TMEM51: variants seen among roughly 807,000 people sequenced by gnomAD.
The protein encoded by TMEM51 is transmembrane protein 51, also known as chromosome 1 open reading frame 72.
Under a neutral mutation model 13.6 loss-of-function variants are expected in TMEM51, and 8 were observed. That is an observed-to-expected ratio of 0.59 (90% CI 0.35 to 1.07). The LOEUF is 1.07. Ranked by LOEUF, TMEM51 falls within the 50% of genes least tolerant of loss-of-function variation. TMEM51 has a pLI of 0.02. For synonymous variants in TMEM51, 147 were observed against 144.4 expected (o/e 1.02, Z -0.13); for missense variants, 279 against 330.7 (o/e 0.84, Z 1.21).
In TMEM51 at chr1:15,214,042, G is replaced by A. The variant is rs182432493; in HGVS notation, c.-193-853G>A. On this transcript the variant is annotated intron_variant, in intron 2 of 3. Transcript: ENST00000376008. ...TTTTTTTTGTATTTTTAGTAGAGACGGGGTTTTACCATGTTGGCCAGGATG... is the reference window on the plus strand; with the variant it reads ...TTTTTTTTGTATTTTTAGTAGAGACAGGGTTTTACCATGTTGGCCAGGATG... Among the ~76,000 whole-genome samples, 100 of 143,524 alleles carry A rather than the reference G, an allele frequency of 7.0e-4. 1 individual carries two copies. The highest frequency in any genetic ancestry group is 4.4e-4 in the South Asian group (2 of 4,528). 94.2% of individuals were successfully genotyped at this position (143,524 alleles called of 152,430 possible).
In TMEM51 at chr1:15,214,789, T is replaced by A. The variant is rs915925534; in HGVS notation, c.-193-106T>A. The A allele has an allele frequency of 8.4e-6, 3 of 358,246 alleles. No individual in the cohort carries two copies. The East Asian group carries it at 1.6e-4, about 19-fold the overall frequency. The allele number at this position is 358,246 out of a possible 1,614,324, so 22.2% of individuals were successfully genotyped here. ...AGGCGAGGCCCAGCCAGAGCCGGCGTGCTCGGTGCTGCTGCCTAACTCCTT... is the reference window on the plus strand; with the variant it reads ...AGGCGAGGCCCAGCCAGAGCCGGCGAGCTCGGTGCTGCTGCCTAACTCCTT... On this transcript the variant is annotated intron_variant, in intron 2 of 3. Coordinates refer to ENST00000376008, the MANE Select transcript of TMEM51 (RefSeq NM_001136218.2).
At chr1:15,152,978 C>A (rs1160112991), upstream of TMEM51, among the ~76,000 whole-genome samples, 1 of 152,230 alleles carries the variant, frequency 6.6e-6, no homozygotes, top group Admixed American at 6.5e-5. Context: ...GGCAGGCTCC[C>A]GGTGCAGCGC....
intron 1 of TMEM51, 109 bp from the exon 2 acceptor site, chr1:15,210,380 GC>G (rs1192995510): frequency 6.6e-6 from 1 of 151,926 alleles, no homozygotes; most frequent in Non-Finnish European, 1.5e-5. Flanking sequence ...CCTAACCCTT[GC>G]CCTTTTCCCC....
chr1:15,218,590 C>G (rs1004080252), intron 3 of TMEM51, among the ~76,000 whole-genome samples: 1 of 152,128 alleles, frequency 6.6e-6, no homozygotes, highest in African/African-American at 2.4e-5. Context: ...GTTTTCTGAT[C>G]ATAACCCTGC....
At chr1:15,171,824 C>A (rs1643286964) in intron 1 of TMEM51, among the ~76,000 whole-genome samples, 1 of 152,146 alleles carries the variant, frequency 6.6e-6, no homozygotes, top group Non-Finnish European at 1.5e-5. Context: ...TCCTTGAACC[C>A]ACAGGTGGTT....
intron 1 of TMEM51, among the ~76,000 whole-genome samples, chr1:15,209,402 G>T (rs948794395): frequency 6.6e-6 from 1 of 152,096 alleles, no homozygotes; most frequent in African/African-American, 2.4e-5. Context: ...TGGCCAGAAG[G>T]TAGCCTGAAT....
At chr1:15,186,912 G>A (rs1181005758) in intron 1 of TMEM51, among the ~76,000 whole-genome samples, 1 of 152,174 alleles carries the variant, frequency 6.6e-6, no homozygotes, top group Non-Finnish European at 1.5e-5. Flanking sequence ...CAGTCCTGAA[G>A]CAGGCCGGCT....
At chr1:15,160,374 A>G (rs1044316518) in intron 1 of TMEM51, among the ~76,000 whole-genome samples, 2 of 152,118 alleles carry the variant, frequency 1.3e-5, no homozygotes, top group Non-Finnish European at 2.9e-5. Context: ...CCTGGATTCA[A>G]GCAATTCTCT....
At chr1:15,187,838 C>T (rs761289) in intron 1 of TMEM51, among the ~76,000 whole-genome samples, 22,266 of 152,052 alleles carry the variant, frequency 0.15, 1,734 homozygotes, top group Middle Eastern at 0.19. Context: ...CAAAACACCC[C>T]GGCCAAGGAA....
chr1:15,211,818 G>A (rs1162196978), intron 2 of TMEM51, among the ~76,000 whole-genome samples: 2 of 75,096 alleles, frequency 2.7e-5, no homozygotes, highest in Non-Finnish European at 5.5e-5. Flanking sequence ...AGTCTGAAAG[G>A]TGACCCCCCC....
chr1:15,195,192 C>T (rs1322445634), intron 1 of TMEM51, among the ~76,000 whole-genome samples: 2 of 152,084 alleles, frequency 1.3e-5, no homozygotes, highest in African/African-American at 4.8e-5. Context: ...CTCGGCCTCC[C>T]AAAGTGCTGG....
At chr1:15,160,505 C>T (rs1642740994) in intron 1 of TMEM51, among the ~76,000 whole-genome samples, 1 of 151,950 alleles carries the variant, frequency 6.6e-6, no homozygotes, top group Non-Finnish European at 1.5e-5. Context: ...AACTCCTGAC[C>T]TCAAGTGATC....
chr1:15,196,440 G>A (rs12088124), intron 1 of TMEM51, among the ~76,000 whole-genome samples: 19,448 of 152,160 alleles, frequency 0.13, 1,408 homozygotes, highest in African/African-American at 0.18. Context: ...GAAAGAGAGA[G>A]GGGGAGGGAG....
At chr1:15,170,339 C>T (rs1643207446) in intron 1 of TMEM51, among the ~76,000 whole-genome samples, 2 of 140,840 alleles carry the variant, frequency 1.4e-5, no homozygotes, top group Admixed American at 7.8e-5. Flanking sequence ...GCCTGGGATA[C>T]TGCTGGGTTT....
chr1:15,191,480 A>G (rs1643920024), intron 1 of TMEM51, among the ~76,000 whole-genome samples: 1 of 152,218 alleles, frequency 6.6e-6, no homozygotes, highest in Non-Finnish European at 1.5e-5. Flanking sequence ...GCTGAGGAAC[A>G]GTCACTGGTC....
At chr1:15,167,055 C>T (rs571579320) in intron 1 of TMEM51, among the ~76,000 whole-genome samples, 18 of 152,100 alleles carry the variant, frequency 1.2e-4, no homozygotes, top group African/African-American at 3.4e-4. Flanking sequence ...TGGCTGGGTG[C>T]GGTGGCTCAC....
chr1:15,197,968 A>AG (rs946937006), intron 1 of TMEM51, among the ~76,000 whole-genome samples: 1 of 152,036 alleles, frequency 6.6e-6, no homozygotes, highest in African/African-American at 2.4e-5. Flanking sequence ...AAAAAAAAAA[A>AG]AAAAGCAGAT....
rs1252287680 is a variant in TMEM51 at position 15,171,164 on chromosome 1, G to C, written c.-267+17210G>C. The C allele has an allele frequency of 6.9e-6, 9 of 1,299,240 alleles. No individual in the cohort carries two copies. The South Asian group carries it at 9.9e-5, about 14-fold the overall frequency. The allele number at this position is 1,299,240 out of a possible 1,614,324, so 80.5% of individuals were successfully genotyped here. A position where few individuals can be genotyped will look rare whatever the true frequency, so the allele number is the denominator to read the frequency against. On this transcript the variant is annotated intron_variant, in intron 1 of 3. Coordinates refer to ENST00000376008, the MANE Select transcript of TMEM51 (RefSeq NM_001136218.2). ...TTCAGTAGGTCTGAGTGGGGCCCCA[G>C]GATTTGCATTTCTAACCAGCTCCTG...
upstream of TMEM51, among the ~76,000 whole-genome samples, chr1:15,152,996 T>G (rs1642447301): frequency 2.6e-5 from 4 of 152,172 alleles, no homozygotes; most frequent in East Asian, 7.8e-4. Context: ...CGCGCCCCCA[T>G]CCATTGCCCG....
Sources: allele counts gnomAD v4.1 joint callset (sites outside exome capture counted in the v4.1 genomes callset), GRCh38; gene constraint gnomAD v4.1.1; transcripts MANE v1.5; gene names NCBI Gene and HGNC (gene_info 2026-07-23, HGNC 2026-07-21).